PTPRT: variants seen among roughly 807,000 people sequenced by gnomAD.
PTPRT encodes the protein receptor-type tyrosine-protein phosphatase T.
Under a neutral mutation model 176.8 loss-of-function variants are expected in PTPRT, and 56 were observed. The observed-to-expected ratio is 0.32, with a 90% CI of 0.26 to 0.40. The LOEUF is 0.40. PTPRT is among the 10% of genes least tolerant of loss of function. The pLI, the probability that PTPRT is intolerant of heterozygous loss-of-function variation, is 1.00. For missense variants in PTPRT, 1,540 were observed against 1,908.2 expected (o/e 0.81, Z 3.60); for synonymous variants, 783 against 739.0 (o/e 1.06, Z -0.96).
intron 1 of PTPRT, among the ~76,000 whole-genome samples, chr20:43,096,606 C>G (rs1018486597): frequency 1.3e-5 from 2 of 152,224 alleles, no homozygotes; most frequent in African/African-American, 4.8e-5. Context: ...CACAGCTCTG[C>G]CTGTGTAAGG....
chr20:42,235,993 A>G (rs779404432), intron 15 of PTPRT, among the ~76,000 whole-genome samples: 1 of 152,226 alleles, frequency 6.6e-6, no homozygotes, highest in East Asian at 1.9e-4. Flanking sequence ...ACAGCCCTTC[A>G]CATCTCTAAA....
At chr20:42,092,340 G>A (rs73129147) in intron 27 of PTPRT, among the ~76,000 whole-genome samples, 5,820 of 152,342 alleles carry the variant, frequency 0.038, 186 homozygotes, top group Middle Eastern at 0.065. Context: ...TCTCAGAAAT[G>A]TTGGGGATGG....
At chr20:43,057,834 A>G (rs558024054) in intron 1 of PTPRT, among the ~76,000 whole-genome samples, 2 of 152,372 alleles carry the variant, frequency 1.3e-5, no homozygotes, top group East Asian at 3.9e-4. Context: ...GACCTTTGCC[A>G]TTAGTCACAT....
At chr20:42,818,108 C>A (rs2077821836) in intron 2 of PTPRT, among the ~76,000 whole-genome samples, 1 of 152,124 alleles carries the variant, frequency 6.6e-6, no homozygotes. Flanking sequence ...TATACAGGAG[C>A]AACCCTACTG....
rs541488731 is a variant in PTPRT at position 42,698,214 on chromosome 20, G to A, written c.860-20055C>T. 3.3e-5 allele frequency among the ~76,000 whole-genome samples: 5 copies of A among 152,238 alleles called. No homozygotes were observed. The East Asian group carries it at 9.7e-4, about 29-fold the overall frequency. On this transcript the variant is annotated intron_variant, in intron 6 of 30. Transcript: ENST00000373187. ...TACTCAAGATTGACCCTGAACTATC[G>A]ATGTTCTGCCCAGAAGGCTGATGTG... is the stretch of plus-strand genomic sequence containing the variant.
At chr20:42,831,481 T>G (rs2078087336) in intron 2 of PTPRT, among the ~76,000 whole-genome samples, 1 of 152,080 alleles carries the variant, frequency 6.6e-6, no homozygotes. Flanking sequence ...AAAGATTTCA[T>G]GACAAAGATA....
intron 1 of PTPRT, among the ~76,000 whole-genome samples, chr20:43,182,114 G>A (rs550672359): frequency 9.9e-5 from 15 of 152,272 alleles, no homozygotes; most frequent in African/African-American, 3.4e-4. Flanking sequence ...AGACAAATGC[G>A]TGATCCCTAA....
Position 42,082,025 on chromosome 20 carries a change from C to T in PTPRT, c.4137-8G>A, listed in dbSNP as rs1555856708. 7 of 1,614,140 alleles carry T rather than the reference C, an allele frequency of 4.3e-6. No homozygotes were observed. The Admixed American group carries it at 6.7e-5, about 15-fold the overall frequency. ...CTACGGCCTCCCCCATTTCTAAACACAGAGCAAAGAGGTGAGCCATGTTCC... is the reference window on the plus strand; with the variant it reads ...CTACGGCCTCCCCCATTTCTAAACATAGAGCAAAGAGGTGAGCCATGTTCC... On this transcript the variant is annotated splice_region_variant and splice_polypyrimidine_tract_variant and intron_variant, in intron 29 of 30. Coordinates refer to ENST00000373187, the MANE Select transcript of PTPRT (RefSeq NM_007050.6).
intron 7 of PTPRT, among the ~76,000 whole-genome samples, chr20:42,562,669 T>C (rs2072971754): frequency 6.6e-6 from 1 of 152,220 alleles, no homozygotes; most frequent in Non-Finnish European, 1.5e-5. Context: ...ACACTTAAGT[T>C]CCTCATCAGC....
rs566444845 is a variant in PTPRT at position 42,689,502 on chromosome 20, T to G, written c.860-11343A>C. On this transcript the variant is annotated intron_variant, in intron 6 of 30. Transcript: ENST00000373187. ...CAATTCTTCTGGTACAGTGGGCAAC[T>G]GAAGGAGTGAGCCACACCCGTTTCA... is the stretch of plus-strand genomic sequence containing the variant. Among the ~76,000 whole-genome samples, 378 of 152,266 alleles carry G rather than the reference T, an allele frequency of 2.5e-3. 1 individual carries two copies. Among genetic ancestry groups the G allele is most frequent in the Non-Finnish European group, 3.3e-3 (225 of 68,014 alleles).
chr20:42,806,971 T>C (rs766351304), intron 2 of PTPRT, among the ~76,000 whole-genome samples: 13 of 152,190 alleles, frequency 8.5e-5, no homozygotes, highest in African/African-American at 2.9e-4. Flanking sequence ...AGCCCACCTA[T>C]AGCACTGCAC....
chr20:42,857,534 C>T (rs994053898), intron 2 of PTPRT, among the ~76,000 whole-genome samples: 20 of 152,174 alleles, frequency 1.3e-4, no homozygotes, highest in Admixed American at 3.9e-4. Flanking sequence ...CGAGCTTCTG[C>T]GGAGTTGCCA....
intron 2 of PTPRT, among the ~76,000 whole-genome samples, chr20:42,830,471 A>T (rs1380260953): frequency 1.3e-5 from 2 of 152,230 alleles, no homozygotes; most frequent in Admixed American, 6.5e-5. Context: ...GCCATCTATG[A>T]CAAACACACA....
chr20:42,982,131 G>T (rs150966395), intron 1 of PTPRT, among the ~76,000 whole-genome samples: 238 of 152,290 alleles, frequency 1.6e-3, no homozygotes, highest in African/African-American at 5.4e-3. Flanking sequence ...AAAGTTTCAC[G>T]CATTCCTGGA....
chr20:42,046,141 G>T, the PTPRT span, among the ~76,000 whole-genome samples: 1 of 152,286 alleles, frequency 6.6e-6, no homozygotes, highest in East Asian at 1.9e-4. Context: ...TTTTCCTGGG[G>T]CTGGGAGCAC....
intron 5 of PTPRT, among the ~76,000 whole-genome samples, chr20:42,764,371 A>G (rs1037558611): frequency 6.6e-6 from 1 of 152,242 alleles, no homozygotes; most frequent in African/African-American, 2.4e-5. Flanking sequence ...ATTCAAAAAT[A>G]ATTCCAAGGG....
At position 42,074,798 on chromosome 20, in the gene PTPRT, G is replaced by C. The variant is rs992720138; in HGVS notation, c.*6081C>G. The C allele has an allele frequency of 5.0e-6, 2 of 398,518 alleles. No individual in the cohort carries two copies. Among genetic ancestry groups the C allele is most frequent in the African/African-American group, 4.1e-5 (2 of 48,624 alleles). 24.7% of individuals were successfully genotyped at this position (398,518 alleles called of 1,614,324 possible). A position where few individuals can be genotyped will look rare whatever the true frequency, so the allele number is the denominator to read the frequency against. ...TTCCCATCTCTTCTGGAGGTGGGCA[G>C]GTGGGATGCAAAAGACTGGCTTGAT... On this transcript the variant is annotated 3_prime_UTR_variant, in exon 31 of 31. Transcript: ENST00000373187.
intron 7 of PTPRT, among the ~76,000 whole-genome samples, chr20:42,639,865 T>C (rs990064532): frequency 5.3e-5 from 8 of 152,150 alleles, no homozygotes; most frequent in Non-Finnish European, 7.3e-5. Context: ...CCTGTCTTTT[T>C]ACTCTGGCCA....
intron 6 of PTPRT, among the ~76,000 whole-genome samples, chr20:42,737,157 G>A (rs2076553323): frequency 6.6e-6 from 1 of 152,210 alleles, no homozygotes; most frequent in Non-Finnish European, 1.5e-5. Context: ...AAGCCAAGAT[G>A]AAGTCCTACT....
Sources: allele counts gnomAD v4.1 joint callset (sites outside exome capture counted in the v4.1 genomes callset), GRCh38; gene constraint gnomAD v4.1.1; transcripts MANE v1.5; gene names NCBI Gene and HGNC (gene_info 2026-07-23, HGNC 2026-07-21).